MGAM: variants seen among roughly 807,000 people sequenced by gnomAD.
MGAM encodes the protein maltase-glucoamylase.
A neutral mutation model predicts 358.8 loss-of-function variants in MGAM; 253 were observed. The observed-to-expected ratio is 0.71, with a 90% CI of 0.64 to 0.78. The LOEUF (loss-of-function observed/expected upper bound fraction) is 0.78, where lower values mean the gene tolerates loss of function less well. Ranked by LOEUF, MGAM falls within the 30% of genes least tolerant of loss-of-function variation. The pLI is 0.00. For missense variants in MGAM, 3,080 were observed against 3,432.6 expected (o/e 0.90, Z 2.57); for synonymous variants, 1,105 against 1,227.1 (o/e 0.90, Z 2.08).
chr7:142,095,894 G>A, intron 64 of MGAM, 181 bp downstream of exon 64: 1 of 986,580 alleles, frequency 1.0e-6, no homozygotes, highest in Non-Finnish European at 1.5e-6. Flanking sequence ...ATTAATAAAA[G>A]GTTATTGATT....
At chr7:142,008,799 ACT>A (rs1805374987) in intron 3 of MGAM, 94 bp downstream of exon 3, 1 of 1,344,330 alleles carries the variant, frequency 7.4e-7, no homozygotes. Context: ...TTTATTAGTG[ACT>A]CTCAAGAGAG....
intron 34 of MGAM, among the ~76,000 whole-genome samples, chr7:142,061,827 C>T (rs1438305808): frequency 6.6e-6 from 1 of 152,164 alleles, no homozygotes; most frequent in African/African-American, 2.4e-5. Context: ...GTATTTTATC[C>T]CAGGTTCTAA....
Position 142,078,815 on chromosome 7 carries a change from A to G in MGAM, c.5654A>G (p.Asn1885Ser), listed in dbSNP as rs1399156040. The G allele has an allele frequency of 9.0e-6, 14 of 1,554,080 alleles. 2 individuals carry two copies. In the African/African-American group the frequency reaches 1.3e-4, roughly 15 times the overall value. ...TARGCIWEAS[N>S]SSGVPFCYFV... The stretch of plus-strand genomic sequence containing the variant: ...TTTGGCCTTACTTTTCAGGCATCCA[A>G]TTCTTCTGGAGTCCCTTTTTGCTAT... The change falls in exon 49 of 71, where the codon AAT becomes AGT. Residue 1885 changes from asparagine to serine, a missense_variant. Around this residue, in one of 5 missense-constraint regions of MGAM, gnomAD observed 932 missense variants for 1,198.2 expected, o/e 0.78. Coordinates refer to ENST00000475668, the MANE Select transcript of MGAM (RefSeq NM_001365693.1).
intron 61 of MGAM, 37 bp downstream of exon 61, chr7:142,094,534 C>T (rs1458249105): frequency 6.4e-7 from 1 of 1,555,542 alleles, no homozygotes; most frequent in South Asian, 1.1e-5. Flanking sequence ...GCCGGTAGGG[C>T]AGGGAGTTGG....
Position 142,036,990 on chromosome 7 carries a change from A to G in MGAM, c.2231+13A>G, listed in dbSNP as rs1808051582. The G allele has an allele frequency of 1.2e-6, 2 of 1,608,330 alleles. No homozygotes were observed. The highest frequency in any genetic ancestry group is 1.7e-5 in the Admixed American group (1 of 58,836). Reference sequence around the variant, plus strand: ...CCCTTTTGCATGAGTAAGTTCACCTAACCTCCTTAAATTTTATTAATGCAT... The same window carrying G: ...CCCTTTTGCATGAGTAAGTTCACCTGACCTCCTTAAATTTTATTAATGCAT... On this transcript the variant is annotated intron_variant, in intron 18 of 70. Coordinates refer to ENST00000475668, the MANE Select transcript of MGAM (RefSeq NM_001365693.1).
At chr7:142,072,830 A>G (rs1813451017) in intron 44 of MGAM, among the ~76,000 whole-genome samples, 2 of 146,268 alleles carry the variant, frequency 1.4e-5, no homozygotes, top group African/African-American at 2.4e-5. Context: ...TGTACCTTGG[A>G]TTACTAGGCT....
At chr7:142,005,242 T>A (rs1554451954) in intron 1 of MGAM, among the ~76,000 whole-genome samples, 1 of 152,082 alleles carries the variant, frequency 6.6e-6, no homozygotes, top group African/African-American at 2.4e-5. Flanking sequence ...GATAATATTT[T>A]GCCTTTTGCA....
intron 67 of MGAM, among the ~76,000 whole-genome samples, chr7:142,100,017 C>T (rs1008455735): frequency 3.9e-5 from 6 of 152,142 alleles, no homozygotes; most frequent in South Asian, 2.1e-4. Context: ...GGAGCCACCA[C>T]GATTCATAAT....
In MGAM at chr7:142,036,213, G is replaced by A. The variant is rs377270069; in HGVS notation, c.2004G>A (p.Glu668=). 60 of 1,612,522 alleles carry A rather than the reference G, an allele frequency of 3.7e-5. 1 individual carries two copies. The African/African-American group carries it at 4.1e-4, about 11-fold the overall frequency. The change falls in exon 17 of 71, where the codon GAG becomes GAA. Residue 668 remains glutamate (E), a synonymous_variant. Coordinates refer to ENST00000475668, the MANE Select transcript of MGAM (RefSeq NM_001365693.1). The part of the protein sequence containing the change: ...ICGFALDTPE[E]LCRRWMQLGA... ...GCTTTGCTTTGGACACCCCTGAGGA[G>A]CTCTGTAGGCGGTGGATGCAGTTGG...
intron 14 of MGAM, 65 bp downstream of exon 14, chr7:142,032,974 C>T: frequency 8.9e-7 from 1 of 1,123,216 alleles, no homozygotes; most frequent in East Asian, 2.6e-5. Flanking sequence ...TTCATAAGGA[C>T]AGATCTGAAA....
In MGAM at chr7:142,052,825, C is replaced by A. The variant is rs374732273; in HGVS notation, c.3000C>A (p.Asn1000Lys). 26 of 1,613,702 alleles carry A rather than the reference C, an allele frequency of 1.6e-5. No homozygotes were observed. The highest frequency in any genetic ancestry group is 2.0e-5 in the Non-Finnish European group (24 of 1,179,836). The change falls in exon 26 of 71, where the codon AAC becomes AAA. Residue 1000 changes from asparagine to lysine, a missense_variant. Asn to Lys is a moderately conservative substitution (Grantham distance 94, BLOSUM62 0). This residue lies in a region of MGAM where 1,816 missense variants were observed against 1,840.5 expected (regional missense o/e 0.99). Coordinates refer to ENST00000475668, the MANE Select transcript of MGAM (RefSeq NM_001365693.1). ...GAGTCCCTTTTTGCTATTTTGTCAACGACCTATACTCTGTCAGTGATGTTC... is the reference window on the plus strand; with the variant it reads ...GAGTCCCTTTTTGCTATTTTGTCAAAGACCTATACTCTGTCAGTGATGTTC... ...SSGVPFCYFV[N>K]DLYSVSDVQY...
Position 142,086,770 on chromosome 7 carries a change from C to T in MGAM, c.6810+53C>T. The T allele has an allele frequency of 3.3e-6, 3 of 896,682 alleles. 1 individual carries two copies. The highest frequency in any genetic ancestry group is 4.8e-6 in the Non-Finnish European group (3 of 626,054). 55.5% of individuals were successfully genotyped at this position (896,682 alleles called of 1,614,324 possible). On this transcript the variant is annotated intron_variant, in intron 57 of 70. Transcript: ENST00000475668. ...AGTCAGGGTTTCTAGGAAGGGGCAG[C>T]CGTTCCTGGGAATGTGGACATGCCT... is the stretch of plus-strand genomic sequence containing the variant.
intron 69 of MGAM, 143 bp downstream of exon 69, chr7:142,102,822 G>C (rs1816554106): frequency 2.4e-6 from 2 of 849,114 alleles, no homozygotes; most frequent in South Asian, 3.4e-5. Context: ...TAGACTTCCG[G>C]TGGAAATTTA....
intron 42 of MGAM, among the ~76,000 whole-genome samples, chr7:142,067,986 A>ATTTTTTTTTTTTTT (rs71913806): frequency 2.3e-4 from 2 of 8,686 alleles, no homozygotes; most frequent in Non-Finnish European, 4.6e-4. Flanking sequence ...ATATATATAT[A>ATTTTTTTTTTTTTT]TTTTTTTTTT....
At chr7:141,997,042 T>C (rs1554448934) in intron 1 of MGAM, among the ~76,000 whole-genome samples, 1 of 152,162 alleles carries the variant, frequency 6.6e-6, no homozygotes, top group East Asian at 1.9e-4. Context: ...GTTGGATCCT[T>C]ACTAGTTGCC....
chr7:142,041,235 T>G (rs11763459), intron 21 of MGAM, among the ~76,000 whole-genome samples: 1 of 151,942 alleles, frequency 6.6e-6, no homozygotes, highest in Non-Finnish European at 1.5e-5. Flanking sequence ...TTCCTTTATA[T>G]GTAATTGATT....
At chr7:142,095,964 G>A in intron 64 of MGAM, 1 of 649,778 alleles carries the variant, frequency 1.5e-6, no homozygotes, top group Non-Finnish European at 2.6e-6. Flanking sequence ...TAATTTGGCT[G>A]TGCAAAGGCC....
rs544285214 is a variant in MGAM, at chr7:142,080,229, C to G, written c.5848-562C>G. 1.1e-3 allele frequency among the ~76,000 whole-genome samples: 166 copies of G among 146,462 alleles called. 24 individuals are homozygous for G. Among genetic ancestry groups the G allele is most frequent in the Middle Eastern group, 7.1e-3 (2 of 282 alleles). Reference sequence around the variant, plus strand: ...ATAGCTCTCCCTTAGCACACATCACCCAGGTGTTGTGAGCTGCTCTCTTAC... The same window carrying G: ...ATAGCTCTCCCTTAGCACACATCACGCAGGTGTTGTGAGCTGCTCTCTTAC... On this transcript the variant is annotated intron_variant, in intron 49 of 70. Coordinates refer to ENST00000475668, the MANE Select transcript of MGAM (RefSeq NM_001365693.1).
rs149265215 is a variant in MGAM, at chr7:142,082,570, G to A, written c.6267G>A (p.Met2089Ile). ...HGVLLLNSNA[M>I]DVTFQPLPAL... ...TGCTCCTGCTGAACAGCAATGCCATGGGTAAGGCCATCCAGCGCCTCCCTT... is the reference window on the plus strand; with the variant it reads ...TGCTCCTGCTGAACAGCAATGCCATAGGTAAGGCCATCCAGCGCCTCCCTT... Residue 2089 changes from methionine to isoleucine, a missense_variant and splice_region_variant, in exon 52 of 71, where the codon ATG becomes ATA. Coordinates refer to ENST00000475668, the MANE Select transcript of MGAM (RefSeq NM_001365693.1). The A allele has an allele frequency of 8.0e-3, 12,058 of 1,511,358 alleles. 1,701 individuals are homozygous for A. In the South Asian group the frequency reaches 0.085, roughly 11 times the overall value. The allele number at this position is 1,511,358 out of a possible 1,614,324, so 93.6% of individuals were successfully genotyped here.
Sources: allele counts gnomAD v4.1 joint callset (sites outside exome capture counted in the v4.1 genomes callset), GRCh38; gene constraint gnomAD v4.1.1; regional missense constraint gnomAD v4.1.1; transcripts MANE v1.5; gene names NCBI Gene and HGNC (gene_info 2026-07-23, HGNC 2026-07-21).